Variants in RIMS2 observed in about 807,000 individuals in gnomAD.
RIMS2 encodes the protein regulating synaptic membrane exocytosis protein 2.
RIMS2 carries 59 observed loss-of-function variants against 174.4 expected under a neutral mutation model. The ratio of observed to expected loss-of-function variants is 0.34; its 90% CI spans 0.27 to 0.42. RIMS2 has a LOEUF of 0.42. RIMS2 is among the 10% of genes least tolerant of loss of function. RIMS2 has a pLI of 1.00. For missense variants in RIMS2, 1,620 were observed against 1,666.3 expected (o/e 0.97, Z 0.48); for synonymous variants, 606 against 572.5 (o/e 1.06, Z -0.84).
At chr8:103,949,166 G>A (rs553064563) in intron 14 of RIMS2, among the ~76,000 whole-genome samples, 1 of 140,976 alleles carries the variant, frequency 7.1e-6, no homozygotes, top group African/African-American at 2.5e-5. Flanking sequence ...GAAAGGGAAA[G>A]GGAAAGGGAA....
intron 19 of RIMS2, among the ~76,000 whole-genome samples, chr8:104,121,912 G>T (rs1251395328): frequency 6.6e-6 from 1 of 152,180 alleles, no homozygotes; most frequent in Non-Finnish European, 1.5e-5. Context: ...AGTGAGCATA[G>T]ATCACGCCAT....
rs544268851 is a variant in RIMS2 at position 103,931,311 on chromosome 8, T to G, written c.2293T>G (p.Leu765Val). ...TGGTCACCAATTAATAGTTACAATT[T>G]TGGGAGCAAAAGATCTCCCTTCCAG... is the stretch of plus-strand genomic sequence containing the variant. Residue 765 changes from leucine (L) to valine (V), a missense_variant, in exon 12 of 24, where the codon TTG becomes GTG. Around this residue, in one of 2 missense-constraint regions of RIMS2, gnomAD observed 1,395 missense variants for 1,360.1 expected, o/e 1.03. Coordinates refer to ENST00000504942, the Ensembl canonical transcript of RIMS2. 6.9e-6 allele frequency: 11 copies of G among 1,604,064 alleles called. No individual in the cohort carries two copies. In the East Asian group the frequency reaches 2.0e-4, roughly 30 times the overall value.
intron 1 of RIMS2, among the ~76,000 whole-genome samples, chr8:103,605,313 C>T (rs1190895839): frequency 2.9e-4 from 41 of 143,216 alleles, no homozygotes; most frequent in East Asian, 2.8e-3. Flanking sequence ...TATTGATTTG[C>T]GTATATTGAA....
chr8:103,783,316 T>C (rs1441855183), intron 3 of RIMS2, among the ~76,000 whole-genome samples: 1 of 150,894 alleles, frequency 6.6e-6, no homozygotes, highest in Non-Finnish European at 1.5e-5. Context: ...CATGTGCACA[T>C]TGTGCAGGTT....
chr8:104,165,832 C>G (rs185443130), intron 19 of RIMS2, among the ~76,000 whole-genome samples: 56 of 152,172 alleles, frequency 3.7e-4, no homozygotes, highest in African/African-American at 1.3e-3. Context: ...TTCTAAATAT[C>G]CATTCAATTA....
chr8:103,956,471 G>A (rs1016201790), intron 14 of RIMS2, among the ~76,000 whole-genome samples: 3 of 152,044 alleles, frequency 2.0e-5, no homozygotes, highest in African/African-American at 7.2e-5. Context: ...TCTGATCTTT[G>A]ACAAACCTGA....
rs112720274 is a variant in RIMS2, at chr8:103,909,990, CTATA to C, written c.1625-129_1625-126del. The C allele has an allele frequency of 1.7e-3, 661 of 392,070 alleles. 2 individuals are homozygous for C. Among genetic ancestry groups the C allele is most frequent in the South Asian group, 5.4e-3 (96 of 17,760 alleles). The allele number at this position is 392,070 out of a possible 1,614,324, so 24.3% of individuals were successfully genotyped here. A position where few individuals can be genotyped will look rare whatever the true frequency, so the allele number is the denominator to read the frequency against. On this transcript the variant is annotated intron_variant, in intron 4 of 23. Transcript: ENST00000504942. ...TCTTTTGGCATATATATAGCACTCACTATATATATATATATATAGTGAGTGCTAC... is the reference window on the plus strand; with the variant it reads ...TCTTTTGGCATATATATAGCACTCACTATATATATATATAGTGAGTGCTAC...
intron 4 of RIMS2, among the ~76,000 whole-genome samples, chr8:103,908,963 T>G (rs557968711): frequency 6.6e-6 from 1 of 152,340 alleles, no homozygotes; most frequent in Admixed American, 6.5e-5. Flanking sequence ...ACTATATTCT[T>G]CTTCATTCTT....
At chr8:103,611,819 C>T (rs1304003678) in intron 1 of RIMS2, among the ~76,000 whole-genome samples, 3 of 152,048 alleles carry the variant, frequency 2.0e-5, no homozygotes, top group East Asian at 3.9e-4. Flanking sequence ...ATATCTTTCT[C>T]TAAGTTTGGG....
chr8:103,964,017 G>A (rs184931960), intron 15 of RIMS2, among the ~76,000 whole-genome samples: 2 of 152,112 alleles, frequency 1.3e-5, no homozygotes, highest in East Asian at 1.9e-4. Flanking sequence ...TTTATTTTTA[G>A]TGCTGAATAA....
At chr8:104,184,891 A>G (rs1369391873) in intron 19 of RIMS2, among the ~76,000 whole-genome samples, 1 of 149,742 alleles carries the variant, frequency 6.7e-6, no homozygotes, top group Non-Finnish European at 1.5e-5. Flanking sequence ...ATGTATCATG[A>G]TAAGAAATTA....
chr8:103,804,654 T>C (rs2098637813), intron 3 of RIMS2, among the ~76,000 whole-genome samples: 1 of 152,196 alleles, frequency 6.6e-6, no homozygotes, highest in African/African-American at 2.4e-5. Flanking sequence ...ATGTAGTGAA[T>C]TGAGACAGAG....
At chr8:104,158,306 C>A (rs565689852) in intron 19 of RIMS2, among the ~76,000 whole-genome samples, 6 of 152,156 alleles carry the variant, frequency 3.9e-5, no homozygotes, top group African/African-American at 1.4e-4. Context: ...ATTGATGGAC[C>A]TTTGGGTTGG....
chr8:104,068,668 G>T (rs937524511), intron 19 of RIMS2, 56 bp downstream of exon 23: 2 of 896,018 alleles, frequency 2.2e-6, no homozygotes. Context: ...GAAACAGTTA[G>T]ATTCTTTTAA....
At chr8:103,942,867 C>T (rs764351498) in exon 14 of RIMS2, 2 of 1,613,628 alleles carry the variant, frequency 1.2e-6, no homozygotes, top group South Asian at 1.1e-5. Context: ...CTTCCCCACC[C>T]TTCTCCATAT....
intron 1 of RIMS2, among the ~76,000 whole-genome samples, chr8:103,586,162 A>G (rs577427745): frequency 2.6e-5 from 4 of 152,312 alleles, no homozygotes; most frequent in South Asian, 2.1e-4. Context: ...AGACTTCAGC[A>G]CTCCACTTTC....
intron 19 of RIMS2, among the ~76,000 whole-genome samples, chr8:104,231,363 T>A (rs1173908969): frequency 1.3e-5 from 2 of 152,168 alleles, no homozygotes; most frequent in Non-Finnish European, 1.5e-5. Flanking sequence ...GTTTTCTTTT[T>A]TTATGGTTTA....
At chr8:103,724,101 G>A (rs1383535766) in intron 2 of RIMS2, among the ~76,000 whole-genome samples, 1 of 151,122 alleles carries the variant, frequency 6.6e-6, no homozygotes, top group East Asian at 1.9e-4. Context: ...GTACTGCAGG[G>A]ATGTGAGGGA....
In RIMS2 at chr8:104,214,533, C is replaced by T. The variant is rs188806208; in HGVS notation, c.3335-30383C>T. Among the ~76,000 whole-genome samples the T allele has an allele frequency of 2.4e-3, 368 of 152,188 alleles. 1 individual carries two copies. Among genetic ancestry groups the T allele is most frequent in the African/African-American group, 8.5e-3 (354 of 41,518 alleles). On this transcript the variant is annotated intron_variant, in intron 19 of 23. Coordinates refer to ENST00000504942, the Ensembl canonical transcript of RIMS2. ...CATGATCTCGGTTCACTGCAACCTCCACCGCCTGGGTTCAAGTGATTCTCC... is the reference window on the plus strand; with the variant it reads ...CATGATCTCGGTTCACTGCAACCTCTACCGCCTGGGTTCAAGTGATTCTCC...
Sources: gnomAD v4.1 joint callset for allele counts (sites outside exome capture counted in the v4.1 genomes callset) on GRCh38, gnomAD v4.1.1 for gene constraint, gnomAD v4.1.1 regional missense constraint, MANE v1.5 for transcripts, NCBI Gene and HGNC (gene_info 2026-07-23, HGNC 2026-07-21) for gene names.